LINGO2: variants seen among roughly 807,000 people sequenced by gnomAD.
LINGO2 encodes the protein leucine rich repeat and Ig domain containing 2, also known as leucine-rich repeat and immunoglobulin-like domain-containing nogo receptor-interacting protein 2.
In LINGO2, 14 loss-of-function variants were observed where a neutral mutation model predicts 30.6. The ratio of observed to expected loss-of-function variants is 0.46; its 90% CI spans 0.30 to 0.72. The LOEUF is 0.72. Among genes scored for constraint, LINGO2 ranks in the 30% least tolerant of loss-of-function variants. The pLI, the probability that LINGO2 is intolerant of heterozygous loss-of-function variation, is 0.07. For synonymous variants in LINGO2, 317 were observed against 288.5 expected (o/e 1.10, Z -1.00); for missense variants, 729 against 751.7 (o/e 0.97, Z 0.35).
At position 28,014,850 on chromosome 9, in the gene LINGO2, T is replaced by C. The variant is rs528536049; in HGVS notation, c.-86-2445A>G. On this transcript the variant is annotated intron_variant, in intron 4 of 5. Coordinates refer to ENST00000379992, the Ensembl canonical transcript of LINGO2. Reference sequence around the variant, plus strand: ...CACCAAAAAAGTGACTACTACCTCATGCAAATTCAATATTTTTAATAATTT... The same window carrying C: ...CACCAAAAAAGTGACTACTACCTCACGCAAATTCAATATTTTTAATAATTT... Among the ~76,000 whole-genome samples the C allele has an allele frequency of 7.2e-5, 11 of 152,286 alleles. No homozygotes were observed. The South Asian group carries it at 2.1e-3, about 29-fold the overall frequency.
At position 28,229,898 on chromosome 9, in the gene LINGO2, A is replaced by G. The variant is rs1040822085; in HGVS notation, c.-87+65310T>C. Among the ~76,000 whole-genome samples, 4 of 151,840 alleles carry G rather than the reference A, an allele frequency of 2.6e-5. No individual in the cohort carries two copies. In the East Asian group the frequency reaches 7.7e-4, roughly 29 times the overall value. On this transcript the variant is annotated intron_variant, in intron 4 of 5. Coordinates refer to ENST00000379992, the Ensembl canonical transcript of LINGO2. ...AATATGGAGTTTATTGCAAAATAAG[A>G]GTAATTTAATTTCATCTCAAAAAAG...
At chr9:28,522,952 A>G (rs1820881154) in intron 1 of LINGO2, among the ~76,000 whole-genome samples, 1 of 152,066 alleles carries the variant, frequency 6.6e-6, no homozygotes, top group Non-Finnish European at 1.5e-5. Flanking sequence ...GAAACAGAGT[A>G]AGGAATGTAG....
chr9:28,716,240 C>T, the LINGO2 span, among the ~76,000 whole-genome samples: 1 of 150,730 alleles, frequency 6.6e-6, no homozygotes, highest in African/African-American at 2.4e-5. Flanking sequence ...AAAATTAGAA[C>T]CACTTTCCAA....
At chr9:28,773,017 T>C in the LINGO2 span, among the ~76,000 whole-genome samples, 1 of 151,966 alleles carries the variant, frequency 6.6e-6, no homozygotes, top group Non-Finnish European at 1.5e-5. Flanking sequence ...AAAATAATAA[T>C]CACATAAAAG....
intron 1 of LINGO2, among the ~76,000 whole-genome samples, chr9:28,517,062 C>A (rs1479043630): frequency 6.6e-6 from 1 of 152,166 alleles, no homozygotes; most frequent in African/African-American, 2.4e-5. Flanking sequence ...GCCCTTCGTG[C>A]CTGGTAGGCA....
At chr9:28,555,511 T>C (rs922386425) in intron 1 of LINGO2, among the ~76,000 whole-genome samples, 53 of 151,888 alleles carry the variant, frequency 3.5e-4, no homozygotes, top group African/African-American at 1.2e-3. Flanking sequence ...ATCAATAGCT[T>C]ACCAACCAAT....
chr9:28,346,447 A>T (rs1819573099), intron 3 of LINGO2, among the ~76,000 whole-genome samples: 2 of 152,116 alleles, frequency 1.3e-5, no homozygotes, highest in South Asian at 4.1e-4. Context: ...ATTGATGGGC[A>T]TTTGGGTTGG....
the LINGO2 span, among the ~76,000 whole-genome samples, chr9:29,188,842 C>T: frequency 8.7e-6 from 1 of 114,866 alleles, no homozygotes; most frequent in Non-Finnish European, 1.8e-5. Flanking sequence ...GACCCCCCCG[C>T]CACCTTCCTC....
chr9:28,461,854 G>A (rs1825094035), intron 2 of LINGO2, among the ~76,000 whole-genome samples: 1 of 152,128 alleles, frequency 6.6e-6, no homozygotes. Flanking sequence ...CAGCAATGGT[G>A]ACAGCTCTAC....
the LINGO2 span, among the ~76,000 whole-genome samples, chr9:28,926,836 A>G: frequency 6.6e-6 from 1 of 152,112 alleles, no homozygotes; most frequent in Non-Finnish European, 1.5e-5. Context: ...GGCAACTCAG[A>G]TACACTTTTT....
the LINGO2 span, among the ~76,000 whole-genome samples, chr9:28,954,964 C>T: frequency 6.6e-6 from 1 of 152,208 alleles, no homozygotes; most frequent in Non-Finnish European, 1.5e-5. Flanking sequence ...ACTGTAATGA[C>T]TCATACCGAA....
the LINGO2 span, among the ~76,000 whole-genome samples, chr9:28,910,886 T>C: frequency 3.3e-5 from 5 of 151,908 alleles, no homozygotes; most frequent in Non-Finnish European, 1.5e-5. Flanking sequence ...ATGATAGAAA[T>C]AGAGAAAAAA....
At chr9:28,589,857 C>T (rs1270876662) in intron 1 of LINGO2, among the ~76,000 whole-genome samples, 1 of 151,578 alleles carries the variant, frequency 6.6e-6, no homozygotes, top group Non-Finnish European at 1.5e-5. Flanking sequence ...AATCCTAAGC[C>T]AAAAAAGAAA....
At chr9:28,829,521 C>G in the LINGO2 span, among the ~76,000 whole-genome samples, 1 of 152,198 alleles carries the variant, frequency 6.6e-6, no homozygotes. Flanking sequence ...GGGACGCACA[C>G]AGAGTTTTGC....
chr9:28,492,528 T>C (rs1173465790), intron 1 of LINGO2, among the ~76,000 whole-genome samples: 1 of 152,186 alleles, frequency 6.6e-6, no homozygotes, highest in Non-Finnish European at 1.5e-5. Context: ...CACATAGTCC[T>C]GTCAAGCTTA....
the LINGO2 span, among the ~76,000 whole-genome samples, chr9:29,141,314 G>A: frequency 1.3e-5 from 2 of 151,928 alleles, no homozygotes; most frequent in East Asian, 3.9e-4. Flanking sequence ...AGAAGTGATT[G>A]TATGTGATTG....
the LINGO2 span, among the ~76,000 whole-genome samples, chr9:28,694,749 C>T: frequency 6.6e-6 from 1 of 151,894 alleles, no homozygotes; most frequent in Non-Finnish European, 1.5e-5. Context: ...ATTATCTTTT[C>T]ACTGAATTAA....
intron 5 of LINGO2, among the ~76,000 whole-genome samples, chr9:27,970,305 T>C (rs1820293745): frequency 6.6e-6 from 1 of 152,176 alleles, no homozygotes; most frequent in African/African-American, 2.4e-5. Context: ...ATTGGCTGGT[T>C]TTTCCCTTAG....
At chr9:28,876,939 C>G in the LINGO2 span, among the ~76,000 whole-genome samples, 1 of 152,100 alleles carries the variant, frequency 6.6e-6, no homozygotes, top group African/African-American at 2.4e-5. Flanking sequence ...TAATGACTGC[C>G]ATTCTAACTG....
Sources: gnomAD v4.1 joint callset for allele counts (sites outside exome capture counted in the v4.1 genomes callset) on GRCh38, gnomAD v4.1.1 for gene constraint, MANE v1.5 for transcripts, NCBI Gene and HGNC (gene_info 2026-07-23, HGNC 2026-07-21) for gene names.